Variants in AUTS2 observed in about 807,000 individuals in gnomAD.
The protein encoded by AUTS2 is autism susceptibility gene 2 protein.
In AUTS2, 17 loss-of-function variants were observed where a neutral mutation model predicts 112.4. The ratio of observed to expected loss-of-function variants is 0.15; its 90% CI spans 0.10 to 0.23. The LOEUF is 0.23. Among genes scored for constraint, AUTS2 ranks in the 10% least tolerant of loss-of-function variants. AUTS2 has a pLI of 1.00. For synonymous variants in AUTS2, 751 were observed against 702.7 expected, an observed-to-expected ratio of 1.07 and a Z score of -1.09; for missense variants, 1,510 against 1,701.6, an observed-to-expected ratio of 0.89 and a Z score of 1.98.
intron 5 of AUTS2, among the ~76,000 whole-genome samples, chr7:70,487,498 C>T (rs929066036): frequency 2.6e-5 from 4 of 152,112 alleles, no homozygotes; most frequent in Non-Finnish European, 5.9e-5. Flanking sequence ...GGAGCCATTA[C>T]GATTATGATG....
At chr7:69,735,739 C>G (rs1309190967) in intron 1 of AUTS2, among the ~76,000 whole-genome samples, 1 of 152,198 alleles carries the variant, frequency 6.6e-6, no homozygotes, top group African/African-American at 2.4e-5. Context: ...AGCCCCCTGA[C>G]AAGGAGTCTT....
intron 2 of AUTS2, among the ~76,000 whole-genome samples, chr7:70,094,935 G>T (rs1423595960): frequency 6.6e-6 from 1 of 152,148 alleles, no homozygotes; most frequent in African/African-American, 2.4e-5. Context: ...CAGTTAGGAA[G>T]CCAGTTGACA....
chr7:70,036,284 A>G (rs1016599735), intron 2 of AUTS2, among the ~76,000 whole-genome samples: 2 of 152,238 alleles, frequency 1.3e-5, no homozygotes, highest in African/African-American at 4.8e-5. Flanking sequence ...TTTGTATTCC[A>G]TGATAAGTGT....
At chr7:70,717,015 ATT>A (rs969482231) in intron 6 of AUTS2, among the ~76,000 whole-genome samples, 23 of 10,392 alleles carry the variant, frequency 2.2e-3, no homozygotes, top group African/African-American at 9.7e-3. Context: ...TTTTTTTTTT[ATT>A]ACTGTTTAAG....
chr7:69,966,381 A>AG (rs1177987911), intron 2 of AUTS2, among the ~76,000 whole-genome samples: 7 of 152,214 alleles, frequency 4.6e-5, no homozygotes, highest in Non-Finnish European at 7.4e-5. Flanking sequence ...TATAGTCAGC[A>AG]GTAGAAATAA....
chr7:69,810,076 C>T (rs770227458), intron 1 of AUTS2, among the ~76,000 whole-genome samples: 1 of 152,174 alleles, frequency 6.6e-6, no homozygotes, highest in Non-Finnish European at 1.5e-5. Context: ...CCGTGTGACT[C>T]TGCTTCCCTC....
rs575638790 is a variant in AUTS2, at chr7:70,393,247, A to G, written c.661-42505A>G. Among the ~76,000 whole-genome samples the G allele has an allele frequency of 2.0e-5, 3 of 152,282 alleles. No individual in the cohort carries two copies. In the South Asian group the frequency reaches 6.2e-4, roughly 32 times the overall value. On this transcript the variant is annotated intron_variant, in intron 4 of 18. Transcript: ENST00000342771. ...TTGTTCCTTCTCAGTTTGTCTTGTT[A>G]GCACTCTTTCTTAGCAAGTAAGCAC...
intron 4 of AUTS2, among the ~76,000 whole-genome samples, chr7:70,174,278 T>G (rs1808867707): frequency 6.6e-6 from 1 of 152,218 alleles, no homozygotes; most frequent in Non-Finnish European, 1.5e-5. Context: ...AGGCTCTCTG[T>G]TCAATTCTGT....
Position 70,609,298 on chromosome 7 carries a change from A to G in AUTS2, c.691-89271A>G, listed in dbSNP as rs185134724. Among the ~76,000 whole-genome samples the G allele has an allele frequency of 6.6e-5, 10 of 151,990 alleles. No homozygotes were observed. In the East Asian group the frequency reaches 1.7e-3, roughly 26 times the overall value. ...CTTTTTTAGATTCTGCATATAAATG[A>G]GATCATGTAGTATTTATCTTTCTGT... On this transcript the variant is annotated intron_variant, in intron 5 of 18. Transcript: ENST00000342771.
intron 4 of AUTS2, among the ~76,000 whole-genome samples, chr7:70,226,646 T>C (rs549759839): frequency 6.6e-6 from 1 of 152,310 alleles, no homozygotes; most frequent in South Asian, 2.1e-4. Context: ...ATCACCTCTT[T>C]CCTTCAAAGG....
chr7:69,902,590 T>C (rs1476854439), intron 2 of AUTS2, among the ~76,000 whole-genome samples: 1 of 152,198 alleles, frequency 6.6e-6, no homozygotes. Flanking sequence ...TGCACAGCTT[T>C]CCTGTAATTA....
chr7:70,720,269 C>T (rs1810592844), intron 6 of AUTS2, among the ~76,000 whole-genome samples: 1 of 151,788 alleles, frequency 6.6e-6, no homozygotes, highest in Non-Finnish European at 1.5e-5. Flanking sequence ...TTTGTTTGCT[C>T]TAATATTCAC....
At chr7:69,732,094 T>G (rs772880904) in intron 1 of AUTS2, among the ~76,000 whole-genome samples, 1 of 152,144 alleles carries the variant, frequency 6.6e-6, no homozygotes, top group Non-Finnish European at 1.5e-5. Flanking sequence ...GAGCCAAGTC[T>G]TAACTTTAGT....
chr7:70,089,540 T>C (rs1803797296), intron 2 of AUTS2, among the ~76,000 whole-genome samples: 2 of 152,128 alleles, frequency 1.3e-5, no homozygotes, highest in African/African-American at 4.8e-5. Context: ...ATTTAGGTCT[T>C]TATAATTCTT....
rs776202184 is a variant in AUTS2, at chr7:70,594,151, CTG to C, written c.691-104415_691-104414del. 4.0e-4 allele frequency among the ~76,000 whole-genome samples: 61 copies of C among 152,262 alleles called. 1 individual carries two copies. The Middle Eastern group carries it at 0.027, about 68-fold the overall frequency. Reference sequence around the variant, plus strand: ...CAAACTCTCCCTAGAGGGCCTCTAACTGTGGCTGAGGGGAGGGGCGGCACTTT... The same window carrying C: ...CAAACTCTCCCTAGAGGGCCTCTAACTGGCTGAGGGGAGGGGCGGCACTTT... On this transcript the variant is annotated intron_variant, in intron 5 of 18. Coordinates refer to ENST00000342771, the MANE Select transcript of AUTS2 (RefSeq NM_015570.4).
At chr7:70,027,963 G>A (rs1800596497) in intron 2 of AUTS2, among the ~76,000 whole-genome samples, 1 of 152,110 alleles carries the variant, frequency 6.6e-6, no homozygotes, top group African/African-American at 2.4e-5. Flanking sequence ...ATGTGAAGTG[G>A]AATTAAGACA....
chr7:70,550,523 TG>T (rs1800975776), intron 5 of AUTS2, among the ~76,000 whole-genome samples: 1 of 152,198 alleles, frequency 6.6e-6, no homozygotes, highest in Non-Finnish European at 1.5e-5. Flanking sequence ...CATTAGCTCC[TG>T]TAGCTTCTAA....
intron 4 of AUTS2, among the ~76,000 whole-genome samples, chr7:70,193,249 C>T (rs1410166513): frequency 6.6e-6 from 1 of 152,140 alleles, no homozygotes; most frequent in Non-Finnish European, 1.5e-5. Flanking sequence ...GTGGCATTAT[C>T]TAAACGTATG....
intron 2 of AUTS2, among the ~76,000 whole-genome samples, chr7:70,067,429 C>T (rs1467830375): frequency 6.6e-6 from 1 of 152,170 alleles, no homozygotes; most frequent in Non-Finnish European, 1.5e-5. Flanking sequence ...TATAGTGAGA[C>T]TGTCACTTTT....
Sources: allele counts gnomAD v4.1 joint callset (sites outside exome capture counted in the v4.1 genomes callset), GRCh38; gene constraint gnomAD v4.1.1; transcripts MANE v1.5; gene names NCBI Gene and HGNC (gene_info 2026-07-23, HGNC 2026-07-21).